Variants in TMEM135 observed in about 807,000 individuals in gnomAD.
The protein encoded by TMEM135 is peroxisomal membrane protein 52.
A neutral mutation model predicts 60.3 loss-of-function variants in TMEM135; 30 were observed. That is an observed-to-expected ratio of 0.50 (90% CI 0.37 to 0.68). TMEM135 has a LOEUF of 0.68. Ranked by LOEUF, TMEM135 falls within the 30% of genes least tolerant of loss-of-function variation. The pLI, the probability that TMEM135 is intolerant of heterozygous loss-of-function variation, is 0.00. For missense variants in TMEM135, 468 were observed against 548.8 expected (o/e 0.85, Z 1.47); for synonymous variants, 190 against 186.7 (o/e 1.02, Z -0.14).
intron 3 of TMEM135, among the ~76,000 whole-genome samples, chr11:87,089,058 G>T (rs1857153360): frequency 6.6e-6 from 1 of 152,072 alleles, no homozygotes; most frequent in African/African-American, 2.4e-5. Context: ...TGCAGTTTTT[G>T]CCAAGTATAA....
intron 3 of TMEM135, among the ~76,000 whole-genome samples, chr11:87,083,107 T>C (rs1249731918): frequency 1.3e-5 from 2 of 152,186 alleles, no homozygotes; most frequent in Non-Finnish European, 2.9e-5. Context: ...TTTCTAGTAG[T>C]ATTAAGCGTG....
chr11:87,305,045 C>T (rs899579877), intron 8 of TMEM135, among the ~76,000 whole-genome samples: 7 of 152,158 alleles, frequency 4.6e-5, no homozygotes, highest in African/African-American at 1.7e-4. Context: ...AAATTAGCTA[C>T]TTTTGAATTA....
chr11:87,099,194 A>G (rs983356739), intron 4 of TMEM135, among the ~76,000 whole-genome samples: 1 of 152,228 alleles, frequency 6.6e-6, no homozygotes. Context: ...TTTGAAAATT[A>G]TAAGTAAACT....
rs534909524 is a variant in TMEM135 at position 87,203,032 on chromosome 11, C to CAAAAA, written c.463-33584_463-33580dup. 3.6e-4 allele frequency among the ~76,000 whole-genome samples: 12 copies of CAAAAA among 33,590 alleles called. 1 individual carries two copies. The highest frequency in any genetic ancestry group is 8.8e-4 in the African/African-American group (10 of 11,420). 22.0% of individuals were successfully genotyped at this position (33,590 alleles called of 152,430 possible). Reference sequence around the variant, plus strand: ...TGGGCGACAGAGTGAGACTCCGTCTCAAAAAAAAAAAAAAAAAAAAAAAAA... The same window carrying CAAAAA: ...TGGGCGACAGAGTGAGACTCCGTCTCAAAAAAAAAAAAAAAAAAAAAAAAAAAAAA... On this transcript the variant is annotated intron_variant, in intron 5 of 14. Transcript: ENST00000305494.
At position 87,077,791 on chromosome 11, in the gene TMEM135, T is replaced by G. The variant is rs76292319; in HGVS notation, c.362+6176T>G. 4.3e-3 allele frequency among the ~76,000 whole-genome samples: 649 copies of G among 152,334 alleles called. 5 individuals carry two copies. The highest frequency in any genetic ancestry group is 0.015 in the African/African-American group (620 of 41,580). On this transcript the variant is annotated intron_variant, in intron 3 of 14. Transcript: ENST00000305494. ...TCACCCAGCCCTAGGCAACCACTAA[T>G]TTCTGTCTCTAAAGATTTGCTTCTT...
At chr11:87,180,167 G>A (rs982049562) in intron 5 of TMEM135, among the ~76,000 whole-genome samples, 4 of 152,064 alleles carry the variant, frequency 2.6e-5, no homozygotes, top group African/African-American at 4.8e-5. Context: ...TTACTTTTCT[G>A]GTGGGACCCC....
chr11:87,172,904 A>T (rs1591076902), intron 5 of TMEM135, among the ~76,000 whole-genome samples: 1 of 151,856 alleles, frequency 6.6e-6, no homozygotes, highest in East Asian at 1.9e-4. Flanking sequence ...TACATATTTG[A>T]TATTTCTTAT....
chr11:87,122,466 A>T (rs1056148279), intron 4 of TMEM135, among the ~76,000 whole-genome samples: 8 of 135,512 alleles, frequency 5.9e-5, no homozygotes, highest in African/African-American at 2.0e-4. Context: ...TTTATTTATT[A>T]TTTATTTTTT....
intron 5 of TMEM135, among the ~76,000 whole-genome samples, chr11:87,229,498 A>T (rs1346988166): frequency 6.6e-6 from 1 of 152,174 alleles, no homozygotes; most frequent in East Asian, 1.9e-4. Context: ...GTGTAAGGGA[A>T]TAGCTACTTT....
rs72951585 is a variant in TMEM135 at position 87,139,934 on chromosome 11, A to G, written c.397-17407A>G. 3.2e-3 allele frequency among the ~76,000 whole-genome samples: 494 copies of G among 152,036 alleles called. 5 individuals are homozygous for G. Among genetic ancestry groups the G allele is most frequent in the Non-Finnish European group, 6.1e-3 (413 of 67,964 alleles). On this transcript the variant is annotated intron_variant, in intron 4 of 14. Transcript: ENST00000305494. ...TTCAAGTATCTGTTGAAATCTTTTG[A>G]TCATTTCAATTTTTTGGGTTGTGTA...
In TMEM135 at chr11:87,306,011, T is replaced by A; in HGVS notation, c.768+6T>A. 1 of 1,556,288 alleles carries A rather than the reference T, an allele frequency of 6.4e-7. No individual in the cohort carries two copies. Among genetic ancestry groups the A allele is most frequent in the Non-Finnish European group, 8.8e-7 (1 of 1,135,512 alleles). On this transcript the variant is annotated splice_donor_region_variant and intron_variant, in intron 9 of 14. Transcript: ENST00000305494. Reference sequence around the variant, plus strand: ...GCATCTCTTATTGCATTAAAGTAAGTATATGAAAGTATGTACTTTATTAAC... The same window carrying A: ...GCATCTCTTATTGCATTAAAGTAAGAATATGAAAGTATGTACTTTATTAAC...
At chr11:87,227,987 C>T (rs1256066449) in intron 5 of TMEM135, among the ~76,000 whole-genome samples, 1 of 152,170 alleles carries the variant, frequency 6.6e-6, no homozygotes, top group Non-Finnish European at 1.5e-5. Context: ...CCCTCTGGGA[C>T]TTTGTGTTCT....
intron 14 of TMEM135, 111 bp downstream of exon 14, chr11:87,319,488 C>T (rs1942786945): frequency 1.3e-6 from 1 of 774,080 alleles, no homozygotes; most frequent in Non-Finnish European, 2.1e-6. Flanking sequence ...ATATGAGTAA[C>T]TTAACTAAGA....
intron 6 of TMEM135, among the ~76,000 whole-genome samples, chr11:87,249,844 A>T (rs1011327722): frequency 1.3e-5 from 2 of 152,202 alleles, no homozygotes; most frequent in Admixed American, 1.3e-4. Flanking sequence ...GTTTGGAAGT[A>T]TTCTTTTCTC....
At chr11:87,261,763 A>C (rs753509821) in intron 6 of TMEM135, among the ~76,000 whole-genome samples, 1 of 151,942 alleles carries the variant, frequency 6.6e-6, no homozygotes, top group Admixed American at 6.6e-5. Context: ...CTGGGACCAC[A>C]TGTGTGCACC....
At chr11:87,312,368 C>G (rs1942654416) in intron 10 of TMEM135, among the ~76,000 whole-genome samples, 1 of 151,874 alleles carries the variant, frequency 6.6e-6, no homozygotes, top group African/African-American at 2.4e-5. Flanking sequence ...TCAGACCTTA[C>G]AACACTGTAC....
intron 6 of TMEM135, among the ~76,000 whole-genome samples, chr11:87,293,020 A>G (rs1942292149): frequency 6.6e-6 from 1 of 152,234 alleles, no homozygotes; most frequent in African/African-American, 2.4e-5. Flanking sequence ...ACAATAACAT[A>G]TGAAAGCCAA....
At chr11:87,167,272 C>G (rs1403941319) in intron 5 of TMEM135, among the ~76,000 whole-genome samples, 2 of 152,192 alleles carry the variant, frequency 1.3e-5, no homozygotes, top group African/African-American at 2.4e-5. Flanking sequence ...TTGACTTCCT[C>G]TCTTCCTATT....
At chr11:87,100,375 G>T (rs1857430725) in intron 4 of TMEM135, among the ~76,000 whole-genome samples, 1 of 152,086 alleles carries the variant, frequency 6.6e-6, no homozygotes, top group East Asian at 1.9e-4. Flanking sequence ...CATGAAGAGG[G>T]TGCTTGTTTC....
Sources: gnomAD v4.1 joint callset for allele counts (sites outside exome capture counted in the v4.1 genomes callset) on GRCh38, gnomAD v4.1.1 for gene constraint, MANE v1.5 for transcripts, NCBI Gene and HGNC (gene_info 2026-07-23, HGNC 2026-07-21) for gene names.